NKD2: variants seen among roughly 807,000 people sequenced by gnomAD.
The protein encoded by NKD2 is NKD inhibitor of Wnt signaling pathway 2, also known as protein naked cuticle homolog 2.
NKD2 carries 43 observed loss-of-function variants against 34.8 expected under a neutral mutation model. That is an observed-to-expected ratio of 1.24 (90% CI 0.97 to 1.60). The LOEUF (loss-of-function observed/expected upper bound fraction) is 1.60, where lower values mean the gene tolerates loss of function less well. Ranked by LOEUF, NKD2 falls within the 40% of genes most tolerant of loss-of-function variation. The probability of loss-of-function intolerance (pLI) is 0.00; values close to 1 mark genes in which losing one functional copy is unlikely to be tolerated. For missense variants in NKD2, 675 were observed against 627.1 expected (o/e 1.08, Z -0.82); for synonymous variants, 278 against 265.1 (o/e 1.05, Z -0.47).
At position 1,008,817 on chromosome 5, in the gene NKD2, G is replaced by A. The variant is rs1256877182; in HGVS notation, c.-241G>A. The A allele has an allele frequency of 1.7e-5, 4 of 237,862 alleles. No individual in the cohort carries two copies. The highest frequency in any genetic ancestry group is 3.2e-5 in the Non-Finnish European group (4 of 125,430). The allele number at this position is 237,862 out of a possible 1,614,324, so 14.7% of individuals were successfully genotyped here. ...GCACGCGCTCAGAGGGAGCCGGGCC[G>A]CCGTCGCTGCCGCCGCTGTCCCCGC... On this transcript the variant is annotated 5_prime_UTR_variant, in exon 1 of 10. Coordinates refer to ENST00000296849, the MANE Select transcript of NKD2 (RefSeq NM_033120.4).
At chr5:1,026,846 C>T (rs1756433250) in intron 3 of NKD2, among the ~76,000 whole-genome samples, 1 of 152,394 alleles carries the variant, frequency 6.6e-6, no homozygotes, top group South Asian at 2.1e-4. Context: ...CTCCCGAGTG[C>T]CCTGAGGTGG....
At chr5:1,015,107 C>T (rs892270590) in intron 3 of NKD2, among the ~76,000 whole-genome samples, 31 of 152,216 alleles carry the variant, frequency 2.0e-4, no homozygotes, top group African/African-American at 6.8e-4. Flanking sequence ...CAGGTGTGGC[C>T]GGGCCCCTTC....
rs1756722588 is a variant in NKD2, at chr5:1,033,415, A to G, written c.246A>G (p.Gly82=). The G allele has an allele frequency of 6.3e-7, 1 of 1,595,434 alleles. No homozygotes were observed. The highest frequency in any genetic ancestry group is 1.3e-5 in the African/African-American group (1 of 74,402). Residue 82 remains glycine (G), a synonymous_variant, in exon 5 of 10, where the codon GGA becomes GGG. Coordinates refer to ENST00000296849, the MANE Select transcript of NKD2 (RefSeq NM_033120.4). ...AAGCTGAGGGCCGCGAGCACCCGGGACAACTCCTCAGCGCAGATGACGGAG... is the reference window on the plus strand; with the variant it reads ...AAGCTGAGGGCCGCGAGCACCCGGGGCAACTCCTCAGCGCAGATGACGGAG... ...AEKAEGREHP[G]QLLSADDGER...
At position 1,034,792 on chromosome 5, in the gene NKD2, G is replaced by A. The variant is rs779471093; in HGVS notation, c.463G>A (p.Val155Met). The change falls in exon 7 of 10, where the codon GTG (valine) becomes ATG (methionine). Residue 155 changes from valine to methionine, a missense_variant. Transcript: ENST00000296849. The part of the protein sequence containing the change: ...SSLMHTIYEV[V>M]DASVNHSSGS... ...CCTCATGCACACCATCTATGAGGTC[G>A]TGGATGCCTCGGTCAACCACTCCTC... The A allele has an allele frequency of 2.4e-5, 38 of 1,612,714 alleles. No homozygotes were observed. Among genetic ancestry groups the A allele is most frequent in the South Asian group, 2.2e-4 (20 of 91,086 alleles).
intron 3 of NKD2, among the ~76,000 whole-genome samples, chr5:1,030,005 G>A (rs1446540763): frequency 7.2e-6 from 1 of 139,138 alleles, no homozygotes; most frequent in Admixed American, 6.8e-5. Flanking sequence ...CCTGAGGGGG[G>A]ATTGTGGTGC....
Position 1,009,317 on chromosome 5 carries a change from G to A in NKD2, c.61+103G>A. On this transcript the variant is annotated intron_variant, in intron 2 of 9. Coordinates refer to ENST00000296849, the MANE Select transcript of NKD2 (RefSeq NM_033120.4). The surrounding 1 kb of genome is among the most constrained non-coding windows in gnomAD (Gnocchi z 6.9). ...TCCTGCCCTGGAGCCAGCAGTGGGG[G>A]GACGGGGCCGCGGGTCTCCAGGAGC... 1.9e-6 allele frequency: 1 copy of A among 520,382 alleles called. No individual in the cohort carries two copies. The highest frequency in any genetic ancestry group is 3.3e-6 in the Non-Finnish European group (1 of 306,552). The allele number at this position is 520,382 out of a possible 1,614,324, so 32.2% of individuals were successfully genotyped here.
Position 1,033,550 on chromosome 5 carries a change from G to A in NKD2, c.330+51G>A, listed in dbSNP as rs1756733146. 1.1e-5 allele frequency: 16 copies of A among 1,514,394 alleles called. No individual in the cohort carries two copies. In the East Asian group the frequency reaches 3.7e-4, roughly 35 times the overall value. The allele number at this position is 1,514,394 out of a possible 1,614,324, so 93.8% of individuals were successfully genotyped here. A position where few individuals can be genotyped will look rare whatever the true frequency, so the allele number is the denominator to read the frequency against. On this transcript the variant is annotated intron_variant, in intron 5 of 9. Coordinates refer to ENST00000296849, the MANE Select transcript of NKD2 (RefSeq NM_033120.4). ...CGGGAACACGTCCCTGGGGCCGGGG[G>A]CTCAGGGACAGGCATGTGTTGCCCT...
At chr5:1,017,608 A>G (rs1756009960) in intron 3 of NKD2, among the ~76,000 whole-genome samples, 1 of 152,210 alleles carries the variant, frequency 6.6e-6, no homozygotes, top group East Asian at 1.9e-4. Context: ...AAACAAAAAC[A>G]GAAGGGCTGA....
intron 3 of NKD2, among the ~76,000 whole-genome samples, chr5:1,010,544 T>G (rs1392444402): frequency 6.6e-6 from 1 of 151,810 alleles, no homozygotes; most frequent in African/African-American, 2.4e-5. Flanking sequence ...TGCAATAGAG[T>G]TAGGATTGGT....
chr5:1,013,786 G>C (rs189823090), intron 3 of NKD2, among the ~76,000 whole-genome samples: 2 of 152,202 alleles, frequency 1.3e-5, no homozygotes, highest in Admixed American at 6.5e-5. Context: ...GGTGGAGGCC[G>C]GAGGCTGGCC....
chr5:1,036,251 A>G lies in NKD2; in HGVS notation c.660-6A>G. 1.9e-6 allele frequency: 3 copies of G among 1,590,702 alleles called. No individual in the cohort carries two copies. The highest frequency in any genetic ancestry group is 2.6e-6 in the Non-Finnish European group (3 of 1,167,824). ...GGGGTCAGGCCCTTCTCTGTGCTCC[A>G]AGCAGGAGGCCCAGTACTGACCCCC... On this transcript the variant is annotated splice_polypyrimidine_tract_variant and splice_region_variant and intron_variant, in intron 8 of 9. Transcript: ENST00000296849.
chr5:1,012,044 G>T (rs1755772024), intron 3 of NKD2, among the ~76,000 whole-genome samples: 1 of 152,248 alleles, frequency 6.6e-6, no homozygotes, highest in African/African-American at 2.4e-5. Flanking sequence ...GTGCACTTGT[G>T]TGGCTGTTTT....
intron 6 of NKD2, 53 bp from the exon 7 acceptor site, chr5:1,034,703 G>T: frequency 4.5e-6 from 7 of 1,570,360 alleles, no homozygotes; most frequent in Non-Finnish European, 6.1e-6. Context: ...CAGGGAGGGC[G>T]GGTGGTGTCC....
chr5:1,037,570 GA>G (rs1449313873), intron 9 of NKD2: 9 of 1,535,740 alleles, frequency 5.9e-6, no homozygotes, highest in South Asian at 1.2e-5. Flanking sequence ...ACACAGTGGG[GA>G]CAAGGCTAGA....
chr5:1,037,287 A>C (rs1734030870), intron 9 of NKD2, among the ~76,000 whole-genome samples: 1 of 152,050 alleles, frequency 6.6e-6, no homozygotes, highest in African/African-American at 2.4e-5. Flanking sequence ...CAGGGGCAGG[A>C]GGGGTGGAGC....
chr5:1,038,866 T>A lies in NKD2; in HGVS notation c.*493T>A, dbSNP rs930024040. On this transcript the variant is annotated 3_prime_UTR_variant, in exon 10 of 10. Coordinates refer to ENST00000296849, the MANE Select transcript of NKD2 (RefSeq NM_033120.4). The surrounding 1 kb of genome is among the most constrained non-coding windows in gnomAD (Gnocchi z 4.5). The stretch of plus-strand genomic sequence containing the variant: ...ACAGGGCCGGTGGGGGGAAGCAGCT[T>A]GTGCTTAGCAGGGAGCATCCGCGGC... The A allele has an allele frequency of 2.1e-5, 6 of 280,366 alleles. No individual in the cohort carries two copies. Among genetic ancestry groups the A allele is most frequent in the African/African-American group, 1.5e-4 (6 of 41,130 alleles). The allele number at this position is 280,366 out of a possible 1,614,324, so 17.4% of individuals were successfully genotyped here.
At chr5:1,017,287 T>A (rs575502214) in intron 3 of NKD2, among the ~76,000 whole-genome samples, 1 of 152,316 alleles carries the variant, frequency 6.6e-6, no homozygotes, top group African/African-American at 2.4e-5. Context: ...GCCTGCTCTC[T>A]TGGCTGCCCA....
At chr5:1,028,908 C>T (rs1273329159) in intron 3 of NKD2, among the ~76,000 whole-genome samples, 3 of 152,134 alleles carry the variant, frequency 2.0e-5, no homozygotes, top group Admixed American at 2.0e-4. Context: ...TGGTGGGTGC[C>T]GGGGCACATT....
At chr5:1,027,798 A>G (rs1477215711) in intron 3 of NKD2, among the ~76,000 whole-genome samples, 2 of 152,348 alleles carry the variant, frequency 1.3e-5, no homozygotes, top group African/African-American at 2.4e-5. Flanking sequence ...GACCTGGGAA[A>G]GGTGCCTGGC....
Sources: gnomAD v4.1 joint callset for allele counts (sites outside exome capture counted in the v4.1 genomes callset) on GRCh38, gnomAD v4.1.1 for gene constraint, Gnocchi (gnomAD v3.1) non-coding constraint, MANE v1.5 for transcripts, NCBI Gene and HGNC (gene_info 2026-07-23, HGNC 2026-07-21) for gene names.